Variants in ZFAND3 observed in about 807,000 individuals in gnomAD.
ZFAND3 encodes the protein zinc finger AN1-type containing 3.
A neutral mutation model predicts 29.6 loss-of-function variants in ZFAND3; 10 were observed. The observed-to-expected ratio is 0.34, with a 90% CI of 0.21 to 0.57. The LOEUF is 0.57. Ranked by LOEUF, ZFAND3 falls within the 20% of genes least tolerant of loss-of-function variation. The probability of loss-of-function intolerance (pLI) is 0.86; values close to 1 mark genes in which losing one functional copy is unlikely to be tolerated. For missense variants in ZFAND3, 230 were observed against 304.5 expected, an observed-to-expected ratio of 0.76 and a Z score of 1.82; for synonymous variants, 128 against 112.6, an observed-to-expected ratio of 1.14 and a Z score of -0.87.
At chr6:38,140,130 A>G (rs905115589) in intron 5 of ZFAND3, among the ~76,000 whole-genome samples, 2 of 152,196 alleles carry the variant, frequency 1.3e-5, no homozygotes, top group African/African-American at 4.8e-5. Context: ...CAAGTGTCCT[A>G]TGTTAGACAT....
chr6:38,066,225 C>G (rs1764343884), intron 3 of ZFAND3, among the ~76,000 whole-genome samples: 2 of 152,148 alleles, frequency 1.3e-5, no homozygotes, highest in Non-Finnish European at 2.9e-5. Flanking sequence ...TAAGAGCTGT[C>G]AGGGTGGATG....
intron 1 of ZFAND3, among the ~76,000 whole-genome samples, chr6:37,908,142 G>A (rs1257254983): frequency 1.3e-5 from 2 of 151,912 alleles, no homozygotes; most frequent in African/African-American, 4.8e-5. Flanking sequence ...CCTTCTTTTT[G>A]TTTGTCCTGT....
At chr6:37,997,026 A>C (rs1428215751) in intron 2 of ZFAND3, among the ~76,000 whole-genome samples, 2 of 152,228 alleles carry the variant, frequency 1.3e-5, no homozygotes, top group Non-Finnish European at 2.9e-5. Context: ...CATGTACTCT[A>C]GAACTTCATA....
chr6:37,982,843 G>A (rs1250158999), intron 2 of ZFAND3, among the ~76,000 whole-genome samples: 5 of 152,270 alleles, frequency 3.3e-5, no homozygotes, highest in Non-Finnish European at 7.4e-5. Context: ...CTCTATACCT[G>A]TTACTACCCC....
chr6:38,004,967 C>G (rs1315908855), intron 2 of ZFAND3, among the ~76,000 whole-genome samples: 1 of 152,166 alleles, frequency 6.6e-6, no homozygotes, highest in Non-Finnish European at 1.5e-5. Context: ...TCTTCTGATT[C>G]TAAAAGTTGG....
Position 38,118,364 on chromosome 6 carries a change from C to T in ZFAND3, c.529+1625C>T, listed in dbSNP as rs144495574. Among the ~76,000 whole-genome samples the T allele has an allele frequency of 9.4e-3, 1,436 of 152,190 alleles. 12 individuals are homozygous for T. Among genetic ancestry groups the T allele is most frequent in the Non-Finnish European group, 0.014 (947 of 68,020 alleles). On this transcript the variant is annotated intron_variant, in intron 5 of 5. Transcript: ENST00000287218. ...GTGATCTGCAAATTCTTGCTTTGGT[C>T]TTCATGTGAACTCTCAGGGAATTTG...
chr6:38,022,732 A>T (rs1763374485), intron 2 of ZFAND3, among the ~76,000 whole-genome samples: 1 of 152,154 alleles, frequency 6.6e-6, no homozygotes, highest in African/African-American at 2.4e-5. Flanking sequence ...CTATCCCTTT[A>T]CCATTTGGTC....
In ZFAND3 at chr6:37,819,991, C is replaced by T. The variant is rs1378527054; in HGVS notation, c.46C>T (p.Pro16Ser). The change falls in exon 1 of 6, where the codon CCT becomes TCT. Residue 16 changes from proline to serine, a missense_variant. Coordinates refer to ENST00000287218, the MANE Select transcript of ZFAND3 (RefSeq NM_021943.3). The stretch of plus-strand genomic sequence containing the variant: ...GCGCAGCAAAGCGCCCAGCCTGCCG[C>T]CTCGCTGTCCCTGCGGCTTCTGGGG... ...SERSKAPSLP[P>S]RCPCGFWGSS... The T allele has an allele frequency of 1.6e-6, 2 of 1,222,182 alleles. No individual in the cohort carries two copies. Among genetic ancestry groups the T allele is most frequent in the Non-Finnish European group, 2.0e-6 (2 of 981,736 alleles). The allele number at this position is 1,222,182 out of a possible 1,614,324, so 75.7% of individuals were successfully genotyped here.
At chr6:37,850,086 C>G (rs545709122) in intron 1 of ZFAND3, among the ~76,000 whole-genome samples, 1 of 152,232 alleles carries the variant, frequency 6.6e-6, no homozygotes, top group East Asian at 1.9e-4. Flanking sequence ...TGGGCACAGC[C>G]CTAGTAGGTT....
intron 2 of ZFAND3, among the ~76,000 whole-genome samples, chr6:37,952,936 A>G (rs62396964): frequency 6.7e-6 from 1 of 148,846 alleles, no homozygotes; most frequent in Non-Finnish European, 1.5e-5. Context: ...CTTCCTGGCT[A>G]TGTCTAGTTG....
At chr6:37,884,283 C>G (rs767329484) in intron 1 of ZFAND3, among the ~76,000 whole-genome samples, 4 of 143,862 alleles carry the variant, frequency 2.8e-5, no homozygotes, top group Non-Finnish European at 6.0e-5. Flanking sequence ...CACCTGAGGT[C>G]GAGAGTTTGA....
At chr6:37,964,013 T>A (rs1762247661) in intron 2 of ZFAND3, among the ~76,000 whole-genome samples, 1 of 152,222 alleles carries the variant, frequency 6.6e-6, no homozygotes, top group Admixed American at 6.5e-5. Flanking sequence ...TATATTATAA[T>A]CCTTTCCATA....
intron 2 of ZFAND3, among the ~76,000 whole-genome samples, chr6:37,938,027 C>G (rs1022662056): frequency 9.9e-5 from 15 of 152,172 alleles, no homozygotes; most frequent in Admixed American, 9.8e-4. Context: ...TCACAGTTTT[C>G]TTTTACCCTA....
At chr6:37,938,880 G>GA (rs1465301004) in intron 2 of ZFAND3, among the ~76,000 whole-genome samples, 1 of 152,158 alleles carries the variant, frequency 6.6e-6, no homozygotes, top group African/African-American at 2.4e-5. Context: ...CCTCAAGTGG[G>GA]AAAATTGTGA....
chr6:37,827,928 A>G (rs1763789400), intron 1 of ZFAND3, among the ~76,000 whole-genome samples: 1 of 152,250 alleles, frequency 6.6e-6, no homozygotes, highest in African/African-American at 2.4e-5. Context: ...CAGGTTGTGG[A>G]TAAGCTCTAG....
At chr6:38,020,117 C>T (rs953175902) in intron 2 of ZFAND3, among the ~76,000 whole-genome samples, 3 of 152,210 alleles carry the variant, frequency 2.0e-5, no homozygotes, top group Non-Finnish European at 4.4e-5. Context: ...ATGGGCAAAT[C>T]ATAGCTTTGT....
intron 1 of ZFAND3, among the ~76,000 whole-genome samples, chr6:37,911,228 A>G (rs775005487): frequency 6.6e-6 from 1 of 152,164 alleles, no homozygotes; most frequent in Non-Finnish European, 1.5e-5. Flanking sequence ...GATCATGGCC[A>G]TCTAACAGGA....
At chr6:38,044,845 G>A (rs1166077053) in intron 2 of ZFAND3, among the ~76,000 whole-genome samples, 1 of 152,054 alleles carries the variant, frequency 6.6e-6, no homozygotes, top group Non-Finnish European at 1.5e-5. Flanking sequence ...TTTTAGATTT[G>A]TATGATTTCT....
At chr6:37,896,586 T>C (rs147912923) in intron 1 of ZFAND3, among the ~76,000 whole-genome samples, 9 of 135,110 alleles carry the variant, frequency 6.7e-5, no homozygotes, top group Non-Finnish European at 8.1e-5. Context: ...TTCTCTCTCT[T>C]TCTCTTTTTC....
Sources: gnomAD v4.1 joint callset for allele counts (sites outside exome capture counted in the v4.1 genomes callset) on GRCh38, gnomAD v4.1.1 for gene constraint, MANE v1.5 for transcripts, NCBI Gene and HGNC (gene_info 2026-07-23, HGNC 2026-07-21) for gene names.